The following KCNN2 variants were observed in gnomAD, a reference collection of about 807,000 sequenced individuals.
The protein encoded by KCNN2 is potassium calcium-activated channel subfamily N member 2, also known as small conductance calcium-activated potassium channel protein 2.
In KCNN2, 24 loss-of-function variants were observed where a neutral mutation model predicts 55.5. The observed-to-expected ratio is 0.43, with a 90% CI of 0.31 to 0.61. The LOEUF (loss-of-function observed/expected upper bound fraction) is 0.61. Among genes scored for constraint, KCNN2 ranks in the 20% least tolerant of loss-of-function variants. The pLI is 0.08. For missense variants in KCNN2, 754 were observed against 853.6 expected, an observed-to-expected ratio of 0.88 and a Z score of 1.45; for synonymous variants, 431 against 336.1, an observed-to-expected ratio of 1.28 and a Z score of -3.09.
chr5:114,390,773 A>C (rs145876146), intron 2 of KCNN2, among the ~76,000 whole-genome samples: 111 of 152,262 alleles, frequency 7.3e-4, no homozygotes, highest in Middle Eastern at 3.4e-3. Flanking sequence ...TAAAATGGTT[A>C]CCTTAACAGA....
intron 1 of KCNN2, among the ~76,000 whole-genome samples, chr5:114,197,477 T>C (rs1185102267): frequency 6.6e-6 from 1 of 152,196 alleles, no homozygotes; most frequent in Non-Finnish European, 1.5e-5. Context: ...TCTTCAGTTT[T>C]GCTTCTTCTC....
chr5:114,176,393 C>T (rs941207390), intron 1 of KCNN2, among the ~76,000 whole-genome samples: 6 of 152,104 alleles, frequency 3.9e-5, no homozygotes, highest in African/African-American at 1.4e-4. Context: ...ATGTCAAATT[C>T]AGTGATATAT....
chr5:114,094,532 G>T lies in KCNN2; in HGVS notation c.-271+38032G>T, dbSNP rs953635804. ...GGAAGACCAAATGGCAGATAATTGG[G>T]CTTAGGATTTAGGGGAAAAACTACT... On this transcript the variant is annotated intron_variant, in intron 1 of 10. Coordinates refer to the KCNN2 transcript ENST00000512097. 1.3e-5 allele frequency among the ~76,000 whole-genome samples: 2 copies of T among 152,282 alleles called. 1 individual carries two copies. Among genetic ancestry groups the T allele is most frequent in the Middle Eastern group, 6.8e-3 (2 of 294 alleles).
rs1309590184 is a variant in KCNN2 at position 114,449,908 on chromosome 5, A to ACACACACACACACACACGCGCGCG, written c.1638-13140_1638-13139insACACACACACACACACGCGCGCGC. Among the ~76,000 whole-genome samples the ACACACACACACACACACGCGCGCG allele has an allele frequency of 2.0e-3, 129 of 66,112 alleles. No individual in the cohort carries two copies. In the East Asian group the frequency reaches 0.07, roughly 36 times the overall value. 43.4% of individuals were successfully genotyped at this position (66,112 alleles called of 152,430 possible). A position where few individuals can be genotyped will look rare whatever the true frequency, so the allele number is the denominator to read the frequency against. Reference sequence around the variant, plus strand: ...CACACACACACACACACACACACACACGCGCGCGCTCGCGTGCGCGCACTC... The same window carrying ACACACACACACACACACGCGCGCG: ...CACACACACACACACACACACACACACACACACACACACACACGCGCGCGCGCGCGCGCTCGCGTGCGCGCACTC... On this transcript the variant is annotated intron_variant, in intron 3 of 7. Coordinates refer to ENST00000673685, the MANE Select transcript of KCNN2 (RefSeq NM_021614.4).
chr5:114,196,098 A>C (rs1023487749), intron 1 of KCNN2, among the ~76,000 whole-genome samples: 1 of 151,996 alleles, frequency 6.6e-6, no homozygotes, highest in South Asian at 2.1e-4. Flanking sequence ...AATCAGTTGA[A>C]TATAAATATA....
chr5:114,361,505 T>C (rs1201275633), upstream of KCNN2, among the ~76,000 whole-genome samples: 1 of 152,096 alleles, frequency 6.6e-6, no homozygotes, highest in African/African-American at 2.4e-5. Flanking sequence ...GCCCCCGCAG[T>C]TACTTGGCGG....
intron 2 of KCNN2, among the ~76,000 whole-genome samples, chr5:114,332,617 C>G (rs573783995): frequency 3.3e-5 from 5 of 152,248 alleles, no homozygotes; most frequent in African/African-American, 1.2e-4. Flanking sequence ...TGTCTGGCCA[C>G]CCTGCAGTTA....
chr5:114,130,373 C>T (rs1007275648), intron 1 of KCNN2, among the ~76,000 whole-genome samples: 2 of 152,142 alleles, frequency 1.3e-5, no homozygotes, highest in Admixed American at 6.5e-5. Flanking sequence ...AAATGTGGCT[C>T]ATGCCATCAT....
chr5:114,395,204 C>T (rs1277119943), intron 2 of KCNN2, among the ~76,000 whole-genome samples: 22 of 152,122 alleles, frequency 1.4e-4, no homozygotes. Flanking sequence ...GTGGGCAGGC[C>T]CCTCCTGCTA....
At chr5:114,480,007 A>G (rs897234975) in intron 5 of KCNN2, among the ~76,000 whole-genome samples, 7 of 152,126 alleles carry the variant, frequency 4.6e-5, no homozygotes, top group Admixed American at 1.3e-4. Flanking sequence ...ACAAGAAATA[A>G]CCAAGATCAG....
At chr5:114,223,405 C>T (rs901333463) in intron 2 of KCNN2, among the ~76,000 whole-genome samples, 2 of 152,004 alleles carry the variant, frequency 1.3e-5, no homozygotes, top group African/African-American at 4.8e-5. Context: ...AGAAGGAGAC[C>T]CATATCTGTT....
chr5:114,313,365 A>T (rs1014141940), intron 2 of KCNN2, among the ~76,000 whole-genome samples: 1 of 152,160 alleles, frequency 6.6e-6, no homozygotes, highest in African/African-American at 2.4e-5. Flanking sequence ...GACCCTTAAT[A>T]ATTCTAGATG....
At chr5:114,406,516 A>G (rs1758939397) in intron 3 of KCNN2, among the ~76,000 whole-genome samples, 1 of 150,010 alleles carries the variant, frequency 6.7e-6, no homozygotes, top group Admixed American at 6.6e-5. Context: ...TATCGTAATC[A>G]TTTTTCCTTT....
At chr5:114,098,928 C>T (rs1023387822) in intron 1 of KCNN2, among the ~76,000 whole-genome samples, 1 of 152,050 alleles carries the variant, frequency 6.6e-6, no homozygotes, top group Non-Finnish European at 1.5e-5. Context: ...GACTGGGAAC[C>T]AAGTACTCCA....
chr5:114,181,537 T>C (rs1362147147), intron 1 of KCNN2, among the ~76,000 whole-genome samples: 1 of 152,210 alleles, frequency 6.6e-6, no homozygotes. Flanking sequence ...AATATGTGGG[T>C]ATTCATTTTC....
In KCNN2 at chr5:114,205,905, G is replaced by T. The variant is rs1753758324; in HGVS notation, c.-270-15575G>T. 3.3e-5 allele frequency among the ~76,000 whole-genome samples: 5 copies of T among 152,102 alleles called. No individual in the cohort carries two copies. In the South Asian group the frequency reaches 1.0e-3, roughly 32 times the overall value. On this transcript the variant is annotated intron_variant, in intron 1 of 10. Coordinates refer to the KCNN2 transcript ENST00000512097. ...GAATAGATGGCAGACGGCATGAAAAGGACAGATTTATCCTGTTACTTTTTG... is the reference window on the plus strand; with the variant it reads ...GAATAGATGGCAGACGGCATGAAAATGACAGATTTATCCTGTTACTTTTTG...
chr5:114,153,332 C>G (rs1194600397), intron 1 of KCNN2, among the ~76,000 whole-genome samples: 1 of 152,148 alleles, frequency 6.6e-6, no homozygotes, highest in Non-Finnish European at 1.5e-5. Flanking sequence ...AGGCTGACCT[C>G]CATGGAATAA....
intron 1 of KCNN2, among the ~76,000 whole-genome samples, chr5:114,101,588 C>A (rs1416906003): frequency 6.6e-6 from 1 of 151,722 alleles, no homozygotes; most frequent in Non-Finnish European, 1.5e-5. Context: ...CTCCCCTTAC[C>A]CCCACCCCCT....
chr5:114,422,658 CGAG>C (rs1759504359), intron 3 of KCNN2, among the ~76,000 whole-genome samples: 1 of 152,046 alleles, frequency 6.6e-6, no homozygotes, highest in African/African-American at 2.4e-5. Flanking sequence ...ATAAAAAAAA[CGAG>C]GATCATATAT....
Sources: gnomAD v4.1 joint callset for allele counts (sites outside exome capture counted in the v4.1 genomes callset) on GRCh38, gnomAD v4.1.1 for gene constraint, MANE v1.5 for transcripts, NCBI Gene and HGNC (gene_info 2026-07-23, HGNC 2026-07-21) for gene names.